TSPEAR: variants seen among roughly 807,000 people sequenced by gnomAD.
TSPEAR encodes thrombospondin-type laminin G domain and EAR repeat-containing protein.
In TSPEAR, 69 loss-of-function variants were observed where a neutral mutation model predicts 71.6. The ratio of observed to expected loss-of-function variants is 0.96; its 90% CI spans 0.79 to 1.18. The LOEUF is 1.18. Among genes scored for constraint, TSPEAR ranks in the 50% most tolerant of loss-of-function variants. TSPEAR has a pLI of 0.00. For synonymous variants in TSPEAR, 402 were observed against 387.2 expected (o/e 1.04, Z -0.45); for missense variants, 971 against 894.9 (o/e 1.09, Z -1.09).
chr21:44,670,079 T>C (rs1156418300), intron 1 of TSPEAR, among the ~76,000 whole-genome samples: 1 of 152,152 alleles, frequency 6.6e-6, no homozygotes, highest in Non-Finnish European at 1.5e-5. Flanking sequence ...TCAAAACCAC[T>C]AAATTAGAAA....
At chr21:44,521,196 C>G (rs1029045272) in intron 9 of TSPEAR, among the ~76,000 whole-genome samples, 1 of 152,204 alleles carries the variant, frequency 6.6e-6, no homozygotes, top group African/African-American at 2.4e-5. Flanking sequence ...CTGCCTCCTC[C>G]GGGGAACTGG....
chr21:44,626,641 A>G (rs587627234), intron 1 of TSPEAR, among the ~76,000 whole-genome samples: 1 of 152,296 alleles, frequency 6.6e-6, no homozygotes, highest in South Asian at 2.1e-4. Flanking sequence ...CATGGGGATT[A>G]GAAATTGGCG....
At chr21:44,580,479 C>T (rs782292559) in intron 1 of TSPEAR, 28 of 1,613,112 alleles carry the variant, frequency 1.7e-5, no homozygotes, top group Admixed American at 1.2e-4. Context: ...AGGCAGGGGG[C>T]GGTGCCGCAG....
intron 1 of TSPEAR, among the ~76,000 whole-genome samples, chr21:44,622,501 GC>G (rs1197639907): frequency 2.0e-5 from 3 of 152,280 alleles, no homozygotes; most frequent in East Asian, 3.9e-4. Context: ...TATCCACAGG[GC>G]CATGCTTTCT....
chr21:44,531,925 C>T (rs1601374152), intron 3 of TSPEAR, among the ~76,000 whole-genome samples: 2 of 152,222 alleles, frequency 1.3e-5, no homozygotes, highest in South Asian at 4.1e-4. Context: ...CCTTCGGGCT[C>T]GCCTCCCGCC....
At chr21:44,504,165 G>A (rs1555911556) in intron 11 of TSPEAR, among the ~76,000 whole-genome samples, 3 of 146,956 alleles carry the variant, frequency 2.0e-5, no homozygotes, top group African/African-American at 7.6e-5. Context: ...CAAGTCTCTT[G>A]GAGGAGGCCG....
In TSPEAR at chr21:44,711,065, C is replaced by G. The variant is rs1304932986; in HGVS notation, c.82+368G>C. Reference sequence around the variant, plus strand: ...TAAGGAAATGGCTCGTGCACAGTAGCCTCCCGGGCTGCTGCGACTTCATTC... The same window carrying G: ...TAAGGAAATGGCTCGTGCACAGTAGGCTCCCGGGCTGCTGCGACTTCATTC... On this transcript the variant is annotated intron_variant, in intron 1 of 11. Transcript: ENST00000323084. The surrounding 1 kb of genome is among the most constrained non-coding windows in gnomAD (Gnocchi z 4.5). 6.6e-6 allele frequency among the ~76,000 whole-genome samples: 1 copy of G among 152,204 alleles called. No homozygotes were observed. The highest frequency in any genetic ancestry group is 2.4e-5 in the African/African-American group (1 of 41,454).
chr21:44,689,487 G>A (rs542807421), intron 1 of TSPEAR, among the ~76,000 whole-genome samples: 1 of 150,358 alleles, frequency 6.7e-6, no homozygotes, highest in Non-Finnish European at 1.5e-5. Flanking sequence ...GGGCGACAGA[G>A]CGAGACTCCA....
chr21:44,609,593 G>C (rs782817256), intron 1 of TSPEAR, among the ~76,000 whole-genome samples: 14 of 152,176 alleles, frequency 9.2e-5, no homozygotes, highest in Non-Finnish European at 1.9e-4. Context: ...AGCTCTGAGA[G>C]AGATGTTTCC....
chr21:44,606,465 G>A (rs185994726), intron 1 of TSPEAR, among the ~76,000 whole-genome samples: 163 of 152,284 alleles, frequency 1.1e-3, no homozygotes, highest in African/African-American at 3.8e-3. Context: ...CAGTATAGCG[G>A]TTCCTCAAAA....
chr21:44,600,327 A>G (rs1980704383), intron 1 of TSPEAR, among the ~76,000 whole-genome samples: 1 of 152,150 alleles, frequency 6.6e-6, no homozygotes, highest in Admixed American at 6.5e-5. Context: ...CTACTTCAAT[A>G]TTATGCTCTG....
intron 9 of TSPEAR, 149 bp downstream of exon 9, chr21:44,521,734 G>A: frequency 1.4e-6 from 1 of 718,106 alleles, no homozygotes; most frequent in Non-Finnish European, 2.3e-6. Context: ...AGAGGAGCAG[G>A]CCCTGCCTGG....
chr21:44,503,681 C>T (rs2052107362), intron 11 of TSPEAR, among the ~76,000 whole-genome samples: 3 of 127,538 alleles, frequency 2.4e-5, no homozygotes, highest in Middle Eastern at 8.1e-3. Context: ...AGCGGGGAAG[C>T]AAGGCTCTGG....
chr21:44,547,498 G>T (rs782792800), intron 2 of TSPEAR, among the ~76,000 whole-genome samples: 23 of 152,106 alleles, frequency 1.5e-4, no homozygotes, highest in Non-Finnish European at 2.8e-4. Context: ...ATATTTCTGG[G>T]TATCAGGTTC....
chr21:44,522,294 G>A (rs2052751251), intron 8 of TSPEAR, among the ~76,000 whole-genome samples, 182 bp from the exon 9 acceptor site: 1 of 152,222 alleles, frequency 6.6e-6, no homozygotes, highest in African/African-American at 2.4e-5. Flanking sequence ...CTTGCTGACT[G>A]CACCTCTGGG....
Position 44,499,927 on chromosome 21 carries a change from G to T in TSPEAR, c.1866C>A (p.Gly622=). ...SVNSIIYRWQ[G]YEGFVAVHSL... is the part of the protein sequence containing the mutation. Reference sequence around the variant, plus strand: ...TGTGCACCGCCACGAAGCCCTCGTAGCCCTGCCACCTGCGGAACAGACAGC... The same window carrying T: ...TGTGCACCGCCACGAAGCCCTCGTATCCCTGCCACCTGCGGAACAGACAGC... Residue 622 remains glycine (G), a synonymous_variant, in exon 12 of 12, where the codon GGC becomes GGA. Coordinates refer to ENST00000323084, the MANE Select transcript of TSPEAR (RefSeq NM_144991.3). 13 of 1,605,852 alleles carry T rather than the reference G, an allele frequency of 8.1e-6. No individual in the cohort carries two copies. The highest frequency in any genetic ancestry group is 1.1e-5 in the Non-Finnish European group (13 of 1,177,642).
At chr21:44,667,877 G>A (rs1320728845) in intron 1 of TSPEAR, among the ~76,000 whole-genome samples, 1 of 152,150 alleles carries the variant, frequency 6.6e-6, no homozygotes, top group Non-Finnish European at 1.5e-5. Context: ...CTTTCATGAT[G>A]ACAACAATCA....
At chr21:44,522,171 C>A in intron 8 of TSPEAR, 59 bp from the exon 9 acceptor site, 5 of 1,540,432 alleles carry the variant, frequency 3.2e-6, no homozygotes, top group Non-Finnish European at 4.5e-6. Flanking sequence ...CCATGGCAGC[C>A]CCGACGGAGG....
At chr21:44,574,615 C>G (rs782365750) in intron 1 of TSPEAR, 96 of 1,294,676 alleles carry the variant, frequency 7.4e-5, no homozygotes, top group Non-Finnish European at 8.9e-5. Flanking sequence ...CCTGTCTGCT[C>G]TGTGCCCATC....
Sources: allele counts gnomAD v4.1 joint callset (sites outside exome capture counted in the v4.1 genomes callset), GRCh38; gene constraint gnomAD v4.1.1; non-coding constraint Gnocchi (gnomAD v3.1); transcripts MANE v1.5; gene names NCBI Gene and HGNC (gene_info 2026-07-23, HGNC 2026-07-21).